ZFHX3: variants seen among roughly 807,000 people sequenced by gnomAD.
ZFHX3 encodes zinc finger homeobox 3.
In ZFHX3, 42 loss-of-function variants were observed where a neutral mutation model predicts 279.1. The ratio of observed to expected loss-of-function variants is 0.15; its 90% CI spans 0.12 to 0.19. The LOEUF is 0.19. Among genes scored for constraint, ZFHX3 ranks in the 10% least tolerant of loss-of-function variants. The pLI is 1.00. For synonymous variants in ZFHX3, 2,293 were observed against 1,957.8 expected, an observed-to-expected ratio of 1.17 and a Z score of -4.52; for missense variants, 4,981 against 4,754.0, an observed-to-expected ratio of 1.05 and a Z score of -1.40.
chr16:73,422,939 G>C (rs990022794), intron 3 of ZFHX3, among the ~76,000 whole-genome samples: 1 of 152,192 alleles, frequency 6.6e-6, no homozygotes, highest in South Asian at 2.1e-4. Context: ...TGAGATCAAG[G>C]TGTTGGCAGG....
intron 7 of ZFHX3, among the ~76,000 whole-genome samples, chr16:73,097,184 G>T (rs911610481): frequency 4.0e-5 from 6 of 151,430 alleles, no homozygotes; most frequent in Non-Finnish European, 8.8e-5. Flanking sequence ...CTCCCAAGTA[G>T]CTGGGACTAG....
chr16:73,082,806 GAC>G (rs1173822159), intron 8 of ZFHX3, among the ~76,000 whole-genome samples: 5 of 152,104 alleles, frequency 3.3e-5, no homozygotes, highest in East Asian at 1.9e-4. Context: ...CAGAAAGGAT[GAC>G]ACAGTTTCTG....
intron 2 of ZFHX3, among the ~76,000 whole-genome samples, chr16:72,951,685 C>G (rs1005630702): frequency 6.6e-6 from 1 of 152,200 alleles, no homozygotes; most frequent in Non-Finnish European, 1.5e-5. Context: ...TGAGTCACAG[C>G]TGCAATCGTA....
chr16:73,807,473 G>T (rs1221578664), intron 1 of ZFHX3, among the ~76,000 whole-genome samples: 2 of 152,074 alleles, frequency 1.3e-5, no homozygotes, highest in Non-Finnish European at 1.5e-5. Context: ...TGCTAAAAAT[G>T]ATCCATGGTC....
intron 2 of ZFHX3, among the ~76,000 whole-genome samples, chr16:73,522,350 G>A (rs543120685): frequency 2.6e-5 from 4 of 152,260 alleles, no homozygotes; most frequent in East Asian, 1.9e-4. Flanking sequence ...TTCAGGAAAC[G>A]CTTGTTCAAT....
At chr16:73,618,768 G>A (rs2052329474) in intron 2 of ZFHX3, among the ~76,000 whole-genome samples, 1 of 152,230 alleles carries the variant, frequency 6.6e-6, no homozygotes, top group African/African-American at 2.4e-5. Context: ...GATGACCCCA[G>A]AGAGGCCAGG....
chr16:73,234,772 A>G (rs1295910966), intron 5 of ZFHX3, among the ~76,000 whole-genome samples: 1 of 152,252 alleles, frequency 6.6e-6, no homozygotes, highest in Non-Finnish European at 1.5e-5. Flanking sequence ...GCTCAAGGTT[A>G]TCAAAGTTTC....
At chr16:73,526,497 A>G (rs2019698420) in intron 2 of ZFHX3, among the ~76,000 whole-genome samples, 1 of 152,220 alleles carries the variant, frequency 6.6e-6, no homozygotes, top group Non-Finnish European at 1.5e-5. Flanking sequence ...TAAAACCTAT[A>G]AAATACAAAA....
chr16:73,218,134 C>G (rs2012279404), intron 5 of ZFHX3, among the ~76,000 whole-genome samples: 1 of 152,082 alleles, frequency 6.6e-6, no homozygotes, highest in Non-Finnish European at 1.5e-5. Context: ...CAGAATGGAG[C>G]CCAGTACATG....
chr16:72,911,332 C>T (rs1257934954), intron 3 of ZFHX3, among the ~76,000 whole-genome samples: 1 of 152,176 alleles, frequency 6.6e-6, no homozygotes, highest in Non-Finnish European at 1.5e-5. Flanking sequence ...ATGGAACTAT[C>T]AGGAAGTAAT....
At chr16:73,162,093 C>T (rs1967250352) in intron 5 of ZFHX3, among the ~76,000 whole-genome samples, 1 of 152,158 alleles carries the variant, frequency 6.6e-6, no homozygotes, top group Admixed American at 6.5e-5. Context: ...GCAGGGGTCC[C>T]CAGCCCCTGG....
intron 2 of ZFHX3, among the ~76,000 whole-genome samples, chr16:73,481,611 G>A (rs563347477): frequency 3.8e-4 from 56 of 146,586 alleles, no homozygotes; most frequent in African/African-American, 1.4e-3. Flanking sequence ...AATGTGCGTG[G>A]TGTTGTTTTT....
chr16:73,302,482 G>A (rs927143943), intron 4 of ZFHX3, among the ~76,000 whole-genome samples: 1 of 152,198 alleles, frequency 6.6e-6, no homozygotes, highest in Non-Finnish European at 1.5e-5. Context: ...CAATACTGCG[G>A]CTTCCACCAG....
intron 2 of ZFHX3, among the ~76,000 whole-genome samples, chr16:73,528,205 G>T (rs996493671): frequency 2.0e-5 from 3 of 152,202 alleles, no homozygotes. Context: ...TGTATTATGG[G>T]TATTTAATGT....
intron 1 of ZFHX3, among the ~76,000 whole-genome samples, chr16:73,693,938 C>T (rs529396372): frequency 5.9e-4 from 90 of 152,060 alleles, no homozygotes; most frequent in Non-Finnish European, 9.7e-4. Flanking sequence ...TGCTCTCAAG[C>T]CTGTCAGTTT....
intron 2 of ZFHX3, among the ~76,000 whole-genome samples, chr16:73,655,941 T>C (rs889482643): frequency 2.0e-5 from 3 of 152,238 alleles, no homozygotes; most frequent in African/African-American, 7.2e-5. Context: ...AGAAGCATTT[T>C]TGCAAAATCC....
At chr16:72,819,614 AC>A (rs1434603389) in intron 5 of ZFHX3, among the ~76,000 whole-genome samples, 4 of 152,212 alleles carry the variant, frequency 2.6e-5, no homozygotes, top group African/African-American at 9.6e-5. Context: ...GGTAGGAACC[AC>A]GCTGCTTTGT....
chr16:73,833,658 A>T (rs1299412437), intron 1 of ZFHX3, among the ~76,000 whole-genome samples: 1 of 151,888 alleles, frequency 6.6e-6, no homozygotes, highest in Non-Finnish European at 1.5e-5. Flanking sequence ...AATGTAGATG[A>T]TGGGTTGATG....
chr16:73,064,790 T>C (rs576900221), intron 8 of ZFHX3, among the ~76,000 whole-genome samples: 3 of 152,218 alleles, frequency 2.0e-5, no homozygotes, highest in Admixed American at 6.5e-5. Context: ...TTTCCTCAGC[T>C]TCTTTGCAAT....
Sources: allele counts gnomAD v4.1 joint callset (sites outside exome capture counted in the v4.1 genomes callset), GRCh38; gene constraint gnomAD v4.1.1; transcripts MANE v1.5; gene names NCBI Gene and HGNC (gene_info 2026-07-23, HGNC 2026-07-21).